Variants in NTRK3 observed in about 807,000 individuals in gnomAD.
The protein encoded by NTRK3 is NT-3 growth factor receptor.
Under a neutral mutation model 91.7 loss-of-function variants are expected in NTRK3, and 24 were observed. The observed-to-expected ratio is 0.26, with a 90% CI of 0.19 to 0.37. The LOEUF (loss-of-function observed/expected upper bound fraction) is 0.37, where lower values mean the gene tolerates loss of function less well. Ranked by LOEUF, NTRK3 falls within the 10% of genes least tolerant of loss-of-function variation. The pLI, the probability that NTRK3 is intolerant of heterozygous loss-of-function variation, is 1.00. For missense variants in NTRK3, 880 were observed against 1,068.9 expected, an observed-to-expected ratio of 0.82 and a Z score of 2.46; for synonymous variants, 483 against 404.0, an observed-to-expected ratio of 1.20 and a Z score of -2.34.
chr15:87,908,424 C>T (rs1040277614), intron 17 of NTRK3: 5 of 399,032 alleles, frequency 1.3e-5, no homozygotes, highest in South Asian at 1.3e-4. Context: ...AGCCTGCAAG[C>T]TGTCTGTCTG....
intron 13 of NTRK3, among the ~76,000 whole-genome samples, chr15:88,107,844 C>G (rs983909147): frequency 6.6e-6 from 1 of 151,968 alleles, no homozygotes; most frequent in African/African-American, 2.4e-5. Flanking sequence ...GTGGGAGAGC[C>G]AAACTGGAAG....
chr15:88,168,737 GA>G (rs5814320), intron 5 of NTRK3, among the ~76,000 whole-genome samples: 76,903 of 151,986 alleles, frequency 0.51, 21,039 homozygotes, highest in African/African-American at 0.73. Context: ...ACTCCTGGGG[GA>G]AGACTTGGGG....
rs536487032 is a variant in NTRK3 at position 88,077,720 on chromosome 15, C to A, written c.1397-44675G>T. Among the ~76,000 whole-genome samples the A allele has an allele frequency of 3.9e-5, 6 of 152,266 alleles. No homozygotes were observed. The Middle Eastern group carries it at 0.01, about 259-fold the overall frequency. The stretch of plus-strand genomic sequence containing the variant: ...CAGCAAGTGGGAAGACTGAGTGAAA[C>A]ACTCTAAAAACCTCCCTCCTGTACT... On this transcript the variant is annotated intron_variant, in intron 13 of 18. Transcript: ENST00000394480.
chr15:88,084,339 T>C (rs1218002788), intron 13 of NTRK3, among the ~76,000 whole-genome samples: 1 of 152,164 alleles, frequency 6.6e-6, no homozygotes, highest in Non-Finnish European at 1.5e-5. Context: ...GAAGCAGGGT[T>C]AGGCTAGTTC....
intron 14 of NTRK3, among the ~76,000 whole-genome samples, chr15:87,945,529 A>G (rs1042669659): frequency 1.8e-4 from 28 of 152,206 alleles, no homozygotes; most frequent in African/African-American, 6.5e-4. Context: ...AAAATCTCAG[A>G]GCCCTGAGAG....
Position 88,112,882 on chromosome 15 carries a change from G to A in NTRK3, c.1396+13389C>T, listed in dbSNP as rs952053037. Among the ~76,000 whole-genome samples the A allele has an allele frequency of 2.6e-5, 4 of 152,224 alleles. No individual in the cohort carries two copies. In the South Asian group the frequency reaches 8.3e-4, roughly 32 times the overall value. ...ACACCACTCACAACCCCAATTATTC[G>A]AGGCATCCGGGAGGTACAGAGTTAC... On this transcript the variant is annotated intron_variant, in intron 13 of 18. Coordinates refer to ENST00000394480, the Ensembl canonical transcript of NTRK3.
chr15:87,900,078 C>G (rs528890930), intron 17 of NTRK3, among the ~76,000 whole-genome samples: 1 of 152,264 alleles, frequency 6.6e-6, no homozygotes, highest in African/African-American at 2.4e-5. Context: ...AGACATGAAA[C>G]AGTTGATAAA....
At chr15:88,008,327 G>C (rs898462094) in intron 14 of NTRK3, among the ~76,000 whole-genome samples, 1 of 152,068 alleles carries the variant, frequency 6.6e-6, no homozygotes, top group Non-Finnish European at 1.5e-5. Flanking sequence ...GTCTCTTGGG[G>C]CAAGTATCTT....
At chr15:88,200,003 C>A (rs576304199) in intron 3 of NTRK3, among the ~76,000 whole-genome samples, 1 of 152,328 alleles carries the variant, frequency 6.6e-6, no homozygotes, top group South Asian at 2.1e-4. Flanking sequence ...ATTCTCACGT[C>A]CAACCCCAAT....
Position 88,243,538 on chromosome 15 carries a change from A to ACG in NTRK3, c.248+12367_248+12368insCG, listed in dbSNP as rs974413898. Among the ~76,000 whole-genome samples the ACG allele has an allele frequency of 3.3e-4, 2 of 6,088 alleles. No homozygotes were observed. The highest frequency in any genetic ancestry group is 1.9e-3 in the Non-Finnish European group (2 of 1,060). 4.0% of individuals were successfully genotyped at this position (6,088 alleles called of 152,430 possible). On this transcript the variant is annotated intron_variant, in intron 3 of 18. Transcript: ENST00000394480. This position sits in a 1 kb window ranked among gnomAD's most constrained non-coding sequence, Gnocchi z 4.8. ...CTTGATCCCATCCCCCATAGCATGC[A>ACG]CACACACACACACACACACACACAC...
chr15:88,094,953 G>C (rs1217976021), intron 13 of NTRK3, among the ~76,000 whole-genome samples: 3 of 152,212 alleles, frequency 2.0e-5, no homozygotes. Flanking sequence ...AAATTGAACA[G>C]CTAACTGAGG....
At chr15:88,156,847 A>T (rs1459245537) in intron 5 of NTRK3, among the ~76,000 whole-genome samples, 1 of 152,160 alleles carries the variant, frequency 6.6e-6, no homozygotes, top group African/African-American at 2.4e-5. Flanking sequence ...GGAACCCAGT[A>T]AGTGCTCAAA....
At chr15:87,981,093 C>A in intron 14 of NTRK3, 6 of 1,385,586 alleles carry the variant, frequency 4.3e-6, no homozygotes, top group South Asian at 3.8e-5. Context: ...TACCAAATCC[C>A]GTGCTGGGCA....
At chr15:87,860,519 G>A (rs1198757846) in exon 19 of NTRK3, 2 of 199,288 alleles carry the variant, frequency 1.0e-5, no homozygotes, top group East Asian at 7.7e-5. Flanking sequence ...TCACATAAGA[G>A]TTTTACTTAG....
intron 13 of NTRK3, among the ~76,000 whole-genome samples, chr15:88,097,086 G>C (rs1037551652): frequency 3.9e-5 from 6 of 152,228 alleles, no homozygotes; most frequent in African/African-American, 1.2e-4. Context: ...CTGAGCACCT[G>C]AGACTTGGCT....
intron 6 of NTRK3, among the ~76,000 whole-genome samples, chr15:88,142,762 G>A (rs1302050765): frequency 6.6e-6 from 1 of 152,228 alleles, no homozygotes; most frequent in South Asian, 2.1e-4. Flanking sequence ...ACTGGGTTTA[G>A]TTGAGTCCTC....
At chr15:87,898,511 T>C (rs1032570264) in intron 17 of NTRK3, among the ~76,000 whole-genome samples, 2 of 152,200 alleles carry the variant, frequency 1.3e-5, no homozygotes, top group Non-Finnish European at 2.9e-5. Context: ...TGCAGTTTTC[T>C]ACGGTGGACT....
At chr15:87,945,487 A>T (rs2142061862) in intron 14 of NTRK3, among the ~76,000 whole-genome samples, 1 of 152,328 alleles carries the variant, frequency 6.6e-6, no homozygotes, top group Non-Finnish European at 1.5e-5. Context: ...AGAATCTCTA[A>T]TCCATTGAGG....
At position 87,963,363 on chromosome 15, in the gene NTRK3, CCA is replaced by C. The variant is rs1470192343; in HGVS notation, c.1586-22612_1586-22611del. Among the ~76,000 whole-genome samples, 6 of 152,256 alleles carry C rather than the reference CCA, an allele frequency of 3.9e-5. No individual in the cohort carries two copies. In the East Asian group the frequency reaches 1.2e-3, roughly 29 times the overall value. On this transcript the variant is annotated intron_variant, in intron 14 of 18. Transcript: ENST00000394480. ...GACTAGACAAATAAATCTGGTATGT[CCA>C]CACAGTGGAGCATGACACAGTCATT...
Sources: gnomAD v4.1 joint callset for allele counts (sites outside exome capture counted in the v4.1 genomes callset) on GRCh38, gnomAD v4.1.1 for gene constraint, Gnocchi (gnomAD v3.1) non-coding constraint, MANE v1.5 for transcripts, NCBI Gene and HGNC (gene_info 2026-07-23, HGNC 2026-07-21) for gene names.